Variants in NUP188 observed in about 807,000 individuals in gnomAD.
NUP188 encodes nucleoporin NUP188.
In NUP188, 97 loss-of-function variants were observed where a neutral mutation model predicts 223.0. The observed-to-expected ratio is 0.43, with a 90% CI of 0.37 to 0.51. The LOEUF is 0.51. Among genes scored for constraint, NUP188 ranks in the 20% least tolerant of loss-of-function variants. The probability of loss-of-function intolerance (pLI) is 0.00; values close to 1 mark genes in which losing one functional copy is unlikely to be tolerated. For synonymous variants in NUP188, 869 were observed against 828.0 expected (o/e 1.05, Z -0.85); for missense variants, 1,947 against 2,175.6 (o/e 0.89, Z 2.09).
In NUP188 at chr9:129,006,284, C is replaced by A. The variant is rs144808385; in HGVS notation, c.4989C>A (p.Ile1663=). ...FTMENCFYLL[I]SQAMRYLRDP... ...TGGAAAACTGCTTCTACCTGCTCATCTCTCAGGCGATGCGGTACCTTAGGG... is the reference window on the plus strand; with the variant it reads ...TGGAAAACTGCTTCTACCTGCTCATATCTCAGGCGATGCGGTACCTTAGGG... Residue 1663 remains isoleucine (I), a synonymous_variant, in exon 43 of 44, where the codon ATC becomes ATA. Coordinates refer to ENST00000372577, the MANE Select transcript of NUP188 (RefSeq NM_015354.3). 9 of 1,614,094 alleles carry A rather than the reference C, an allele frequency of 5.6e-6. No homozygotes were observed. Among genetic ancestry groups the A allele is most frequent in the African/African-American group, 4.0e-5 (3 of 74,924 alleles).
Position 128,990,159 on chromosome 9 carries a change from AC to A in NUP188, c.2574del (p.Tyr858Ter). The A allele has an allele frequency of 6.2e-7, 1 of 1,614,194 alleles. No individual in the cohort carries two copies. The highest frequency in any genetic ancestry group is 8.5e-7 in the Non-Finnish European group (1 of 1,180,012). On this transcript the variant is annotated frameshift_variant, in exon 25 of 44. Transcript: ENST00000372577. LOFTEE classifies it high-confidence loss of function. ...AACCTCATTGCTGTTCTAGCCAAAT[AC>A]ATCTACCACAAACATGACCCTGCTT... ...GNNLIAVLAK[Y>X]IYHKHDPALP...
chr9:128,950,786 A>G (rs1487249130), intron 2 of NUP188, among the ~76,000 whole-genome samples: 2 of 152,124 alleles, frequency 1.3e-5, no homozygotes, highest in Admixed American at 6.6e-5. Context: ...TTGAGGCTGC[A>G]GTGAACTCTA....
intron 8 of NUP188, among the ~76,000 whole-genome samples, chr9:128,965,875 G>A (rs1360621214): frequency 2.7e-5 from 4 of 150,034 alleles, no homozygotes; most frequent in Admixed American, 6.7e-5. Flanking sequence ...TTGGCTCACC[G>A]CAACCTCTGC....
intron 8 of NUP188, among the ~76,000 whole-genome samples, chr9:128,963,814 GT>G (rs201498395): frequency 0.052 from 7,296 of 140,258 alleles, 432 homozygotes; most frequent in African/African-American, 0.15. Flanking sequence ...CTTATTGTGG[GT>G]TTTTTTTTTT....
chr9:128,995,001 C>G (rs1842497247), intron 29 of NUP188, 78 bp downstream of exon 29: 1 of 1,059,994 alleles, frequency 9.4e-7, no homozygotes, highest in African/African-American at 1.6e-5. Flanking sequence ...GGGTGCATGG[C>G]TGGAAGAGCC....
At chr9:128,969,562 G>A in intron 10 of NUP188, 48 bp downstream of exon 10, 1 of 1,060,236 alleles carries the variant, frequency 9.4e-7, no homozygotes, top group Non-Finnish European at 1.4e-6. Context: ...TAAGTTAGTA[G>A]TAGCTTTCAA....
chr9:129,005,198 A>G lies in NUP188; in HGVS notation c.4486A>G (p.Lys1496Glu), dbSNP rs762458618. The G allele has an allele frequency of 9.9e-6, 16 of 1,613,972 alleles. No individual in the cohort carries two copies. The change falls in exon 39 of 44, where the codon AAG (lysine) becomes GAG (glutamate). Residue 1496 changes from lysine (K) to glutamate (E), a missense_variant. By Grantham distance (56) the Lys-to-Glu change is moderately conservative. Around this residue, in one of 3 missense-constraint regions of NUP188, gnomAD observed 905 missense variants for 990.6 expected, o/e 0.91. Coordinates refer to ENST00000372577, the MANE Select transcript of NUP188 (RefSeq NM_015354.3). ...ATGTACCTCTCTCCTGCACAGTCGA[A>G]AGATGCTGCAGCATTACTTACAGGT... ...QACTSLLHSR[K>E]MLQHYLQNKN...
rs1842505415 is a variant in NUP188 at position 128,995,402 on chromosome 9, A to G, written c.3239A>G (p.Lys1080Arg). The G allele has an allele frequency of 4.3e-6, 7 of 1,614,046 alleles. No individual in the cohort carries two copies. Among genetic ancestry groups the G allele is most frequent in the Non-Finnish European group, 5.9e-6 (7 of 1,179,992 alleles). Residue 1080 changes from lysine to arginine, a missense_variant, in exon 30 of 44, where the codon AAG (lysine) becomes AGG (arginine). Lys to Arg is a conservative substitution (Grantham distance 26). Around this residue, in one of 3 missense-constraint regions of NUP188, gnomAD observed 905 missense variants for 990.6 expected, o/e 0.91. Transcript: ENST00000372577. ...TTTGCCTACTGGTCAGGGTATGTCA[A>G]GTCATTGGCAGTTCACGTGGCCGAA... ...KRFAYWSGYV[K>R]SLAVHVAETE...
chr9:129,005,125 A>C (rs1842757850), intron 38 of NUP188, 22 bp from the exon 39 acceptor site: 2 of 1,598,162 alleles, frequency 1.3e-6, no homozygotes, highest in East Asian at 2.2e-5. Flanking sequence ...GAATCCGCTC[A>C]TCTCTCCTGT....
At chr9:128,956,774 A>G (rs1004568007) in intron 4 of NUP188, among the ~76,000 whole-genome samples, 178 bp from the exon 5 acceptor site, 16 of 152,196 alleles carry the variant, frequency 1.1e-4, no homozygotes, top group African/African-American at 3.6e-4. Context: ...TAAAAATTGT[A>G]TGTCAGTGAC....
intron 29 of NUP188, 129 bp from the exon 30 acceptor site, chr9:128,995,190 G>C: frequency 2.8e-6 from 2 of 715,300 alleles, no homozygotes; most frequent in Admixed American, 2.4e-5. Flanking sequence ...CCACACGTTG[G>C]AGGTGTCCTG....
At chr9:129,002,722 C>T in intron 36 of NUP188, 95 bp from the exon 37 acceptor site, 1 of 1,340,894 alleles carries the variant, frequency 7.5e-7, no homozygotes, top group Non-Finnish European at 1.0e-6. Context: ...GAGATCTTTT[C>T]CTTTCAGCGC....
intron 3 of NUP188, among the ~76,000 whole-genome samples, chr9:128,956,147 C>G (rs1298749113): frequency 1.3e-5 from 2 of 149,244 alleles, no homozygotes; most frequent in Non-Finnish European, 3.0e-5. Context: ...TTAGGCATAA[C>G]CAGTTCTGCG....
At chr9:128,948,743 T>G (rs1841730529) in intron 1 of NUP188, 1 of 130,648 alleles carries the variant, frequency 7.7e-6, no homozygotes, top group South Asian at 2.4e-4. Flanking sequence ...TTTTTTTTTT[T>G]GAGACGGAGT....
chr9:128,995,636 C>A, intron 30 of NUP188, 122 bp downstream of exon 30: 1 of 839,416 alleles, frequency 1.2e-6, no homozygotes, highest in Non-Finnish European at 1.9e-6. Flanking sequence ...GAGAGCTAAA[C>A]TGTAATAGGT....
chr9:128,987,088 A>AGAGAGTGTGTGTGT (rs1450678206), intron 22 of NUP188, among the ~76,000 whole-genome samples: 68 of 113,340 alleles, frequency 6.0e-4, no homozygotes, highest in Non-Finnish European at 8.0e-4. Flanking sequence ...AGAGAGAGAG[A>AGAGAGTGTGTGTGT]GTGTGTGTGT....
At position 128,990,076 on chromosome 9, in the gene NUP188, A is replaced by G. The variant is rs151120743; in HGVS notation, c.2534-44A>G. On this transcript the variant is annotated intron_variant, in intron 24 of 43. Coordinates refer to ENST00000372577, the MANE Select transcript of NUP188 (RefSeq NM_015354.3). ...AACAGTCAGTGCTCTAAGGACTTGA[A>G]TTAGGCACACTTGATATCTAAACTG... 170 of 1,441,824 alleles carry G rather than the reference A, an allele frequency of 1.2e-4. 1 individual carries two copies. The African/African-American group carries it at 2.0e-3, about 17-fold the overall frequency. 89.3% of individuals were successfully genotyped at this position (1,441,824 alleles called of 1,614,324 possible).
rs537409603 is a variant in NUP188 at position 129,006,978 on chromosome 9, C to T, written c.*300C>T. On this transcript the variant is annotated 3_prime_UTR_variant, in exon 44 of 44. Transcript: ENST00000372577. ...ACAGCACTGCCGGCCAGGGGAGAGGCGGCAGCCCAGCAGAGGGCTCTATGC... is the reference window on the plus strand; with the variant it reads ...ACAGCACTGCCGGCCAGGGGAGAGGTGGCAGCCCAGCAGAGGGCTCTATGC... 71 of 320,166 alleles carry T rather than the reference C, an allele frequency of 2.2e-4. No homozygotes were observed. The highest frequency in any genetic ancestry group is 3.4e-4 in the Non-Finnish European group (60 of 174,452). The allele number at this position is 320,166 out of a possible 1,614,324, so 19.8% of individuals were successfully genotyped here.
chr9:128,981,438 T>G (rs1364362899), intron 15 of NUP188, 48 bp downstream of exon 15: 2 of 1,534,978 alleles, frequency 1.3e-6, no homozygotes, highest in Admixed American at 2.0e-5. Flanking sequence ...TTTTTTTTGA[T>G]GTCTTGCTCT....
Sources: allele counts gnomAD v4.1 joint callset (sites outside exome capture counted in the v4.1 genomes callset), GRCh38; gene constraint gnomAD v4.1.1; regional missense constraint gnomAD v4.1.1; transcripts MANE v1.5; gene names NCBI Gene and HGNC (gene_info 2026-07-23, HGNC 2026-07-21).